GALNT14: variants seen among roughly 807,000 people sequenced by gnomAD.
GALNT14 encodes the protein UDP-GalNAc:polypeptide N-acetylgalactosaminyltransferase 14.
In GALNT14, 60 loss-of-function variants were observed where a neutral mutation model predicts 77.5. That is an observed-to-expected ratio of 0.77 (90% CI 0.63 to 0.96). The LOEUF (loss-of-function observed/expected upper bound fraction) is 0.96, where lower values mean the gene tolerates loss of function less well. Ranked by LOEUF, GALNT14 falls within the 40% of genes least tolerant of loss-of-function variation. GALNT14 has a pLI of 0.00. For synonymous variants in GALNT14, 280 were observed against 281.7 expected (o/e 0.99, Z 0.06); for missense variants, 710 against 731.0 (o/e 0.97, Z 0.33).
In GALNT14 at chr2:31,043,249, A is replaced by G. The variant is rs139881239; in HGVS notation, c.130-50242T>C. ...CTCACTCACCCCCCTGTAATGCTGT[A>G]GCCTGCTCCTGCCTCAGTATTCCCC... On this transcript the variant is annotated intron_variant, in intron 1 of 14. Transcript: ENST00000349752. Among the ~76,000 whole-genome samples the G allele has an allele frequency of 2.2e-3, 333 of 152,318 alleles. 1 individual carries two copies. The highest frequency in any genetic ancestry group is 6.8e-3 in the Middle Eastern group (2 of 294).
intron 2 of GALNT14, among the ~76,000 whole-genome samples, chr2:30,992,258 G>A (rs1441422851): frequency 6.6e-6 from 1 of 152,186 alleles, no homozygotes; most frequent in Non-Finnish European, 1.5e-5. Flanking sequence ...CCTGATCTCT[G>A]CAACCCACTG....
intron 1 of GALNT14, among the ~76,000 whole-genome samples, chr2:31,103,110 A>T (rs1385216186): frequency 1.3e-5 from 2 of 152,094 alleles, no homozygotes; most frequent in Non-Finnish European, 2.9e-5. Flanking sequence ...AAATTCATTT[A>T]TATTTAGATA....
At chr2:31,075,036 C>T (rs1675671651) in intron 1 of GALNT14, among the ~76,000 whole-genome samples, 1 of 152,176 alleles carries the variant, frequency 6.6e-6, no homozygotes, top group Non-Finnish European at 1.5e-5. Flanking sequence ...TGTTCAGGTC[C>T]TGGGAGCGGA....
intron 1 of GALNT14, among the ~76,000 whole-genome samples, chr2:31,131,971 T>C (rs1679017129): frequency 1.3e-5 from 2 of 152,242 alleles, no homozygotes; most frequent in African/African-American, 4.8e-5. Context: ...CTGGGGAAGT[T>C]TGAGAGAGGA....
At chr2:30,970,856 C>T (rs969566210) in intron 2 of GALNT14, among the ~76,000 whole-genome samples, 2 of 152,120 alleles carry the variant, frequency 1.3e-5, no homozygotes, top group East Asian at 3.9e-4. Context: ...CTGGACTCAC[C>T]CCTTGTCTCA....
chr2:31,085,627 G>A (rs1676390161), intron 1 of GALNT14, among the ~76,000 whole-genome samples: 1 of 152,146 alleles, frequency 6.6e-6, no homozygotes, highest in African/African-American at 2.4e-5. Flanking sequence ...CTTCTCCTCC[G>A]GTATCTCCCT....
At chr2:30,905,969 T>G (rs1249990210), downstream of GALNT14, among the ~76,000 whole-genome samples, 4 of 151,494 alleles carry the variant, frequency 2.6e-5, no homozygotes, top group South Asian at 4.2e-4. Flanking sequence ...CTAAGCTTCA[T>G]AAGCGAAGGA....
intron 1 of GALNT14, among the ~76,000 whole-genome samples, chr2:31,114,130 C>T (rs1677978119): frequency 6.6e-6 from 1 of 152,174 alleles, no homozygotes; most frequent in African/African-American, 2.4e-5. Flanking sequence ...AGAAGCTCTT[C>T]TCAGGTTTGT....
chr2:31,010,226 G>A (rs1670933491), intron 1 of GALNT14, among the ~76,000 whole-genome samples: 1 of 152,140 alleles, frequency 6.6e-6, no homozygotes, highest in African/African-American at 2.4e-5. Context: ...GACTTCAGGT[G>A]ATCCACCTGC....
chr2:30,924,463 C>G (rs987089716), intron 12 of GALNT14, among the ~76,000 whole-genome samples, 200 bp from the exon 13 acceptor site: 1 of 152,128 alleles, frequency 6.6e-6, no homozygotes. Flanking sequence ...GAGATGAGTA[C>G]CTGCAGTGAA....
intron 4 of GALNT14, among the ~76,000 whole-genome samples, chr2:30,957,519 C>T (rs72787227): frequency 1.3e-3 from 196 of 152,272 alleles, no homozygotes; most frequent in Non-Finnish European, 2.1e-3. Context: ...AAGGGAGAGC[C>T]GATCCTCACG....
chr2:30,902,871 C>T, the GALNT14 span, among the ~76,000 whole-genome samples: 2 of 152,178 alleles, frequency 1.3e-5, no homozygotes, highest in Admixed American at 6.5e-5. Flanking sequence ...TACTTTAGTG[C>T]AGTACCTGTT....
intron 2 of GALNT14, among the ~76,000 whole-genome samples, chr2:30,973,310 A>G (rs149298983): frequency 4.8e-3 from 738 of 152,246 alleles, no homozygotes; most frequent in Non-Finnish European, 7.7e-3. Flanking sequence ...CTTTGTAGAC[A>G]ATGCCTCATC....
In GALNT14 at chr2:30,919,090, T is replaced by G. The variant is rs950131480; in HGVS notation, c.1380+5029A>C. Reference sequence around the variant, plus strand: ...AAGGACGAGCTAAAAATATATCTTATGTTTTTCCCCTTTCTTTAAATTGGG... The same window carrying G: ...AAGGACGAGCTAAAAATATATCTTAGGTTTTTCCCCTTTCTTTAAATTGGG... On this transcript the variant is annotated intron_variant, in intron 13 of 14. Coordinates refer to ENST00000349752, the MANE Select transcript of GALNT14 (RefSeq NM_024572.4). 2.0e-5 allele frequency among the ~76,000 whole-genome samples: 3 copies of G among 152,216 alleles called. No homozygotes were observed. In the South Asian group the frequency reaches 6.2e-4, roughly 32 times the overall value.
At chr2:30,968,677 G>C (rs1269088021) in intron 2 of GALNT14, among the ~76,000 whole-genome samples, 1 of 152,226 alleles carries the variant, frequency 6.6e-6, no homozygotes, top group African/African-American at 2.4e-5. Context: ...AGTTCAATGA[G>C]ACTCCAAGCC....
intron 13 of GALNT14, among the ~76,000 whole-genome samples, chr2:30,918,987 T>C (rs1416640103): frequency 2.6e-5 from 4 of 152,088 alleles, no homozygotes; most frequent in Non-Finnish European, 5.9e-5. Context: ...AGGGGGAGAC[T>C]TTATCTTCAC....
intron 1 of GALNT14, chr2:31,126,718 T>C (rs1396658063): frequency 6.6e-6 from 1 of 152,228 alleles, no homozygotes; most frequent in Non-Finnish European, 1.5e-5. Context: ...TCATCCCAGA[T>C]GTACCATGGG....
At chr2:30,940,438 G>A (rs1002512420) in intron 9 of GALNT14, among the ~76,000 whole-genome samples, 4 of 152,186 alleles carry the variant, frequency 2.6e-5, no homozygotes, top group African/African-American at 9.7e-5. Context: ...GACAGAAGAT[G>A]GGGTAGCTAG....
chr2:30,956,493 TACAA>T (rs1410847887), intron 4 of GALNT14, among the ~76,000 whole-genome samples: 2 of 152,208 alleles, frequency 1.3e-5, no homozygotes, highest in Non-Finnish European at 2.9e-5. Context: ...TTGTTATTAA[TACAA>T]ACAATCTCAT....
Sources: allele counts gnomAD v4.1 joint callset (sites outside exome capture counted in the v4.1 genomes callset), GRCh38; gene constraint gnomAD v4.1.1; transcripts MANE v1.5; gene names NCBI Gene and HGNC (gene_info 2026-07-23, HGNC 2026-07-21).